The following CHKA variants were observed in gnomAD, a reference collection of about 807,000 sequenced individuals.
CHKA encodes choline kinase alpha.
CHKA carries 34 observed loss-of-function variants against 60.1 expected under a neutral mutation model. That is an observed-to-expected ratio of 0.57 (90% CI 0.43 to 0.75). CHKA has a LOEUF of 0.75. Among genes scored for constraint, CHKA ranks in the 30% least tolerant of loss-of-function variants. The pLI is 0.00. For synonymous variants in CHKA, 217 were observed against 223.1 expected (o/e 0.97, Z 0.24); for missense variants, 563 against 561.3 (o/e 1.00, Z -0.03).
intron 2 of CHKA, chr11:68,081,705 G>A (rs1856995386): frequency 2.4e-6 from 1 of 409,510 alleles, no homozygotes; most frequent in South Asian, 3.4e-5. Flanking sequence ...ATAGCTGCAC[G>A]TCTCACAGCC....
chr11:68,061,967 C>T lies in CHKA; in HGVS notation c.1300G>A (p.Glu434Lys), dbSNP rs1856265105. The change falls in exon 11 of 12, where the codon GAA (glutamate) becomes AAA (lysine). Residue 434 changes from glutamate to lysine, a missense_variant. By Grantham distance (56) the Glu-to-Lys change is moderately conservative. Coordinates refer to ENST00000265689, the MANE Select transcript of CHKA (RefSeq NM_001277.3). ...CTAAAACATACCATGTACCCAAATT[C>T]AATAGATGAAATCTTGGCTTGTACA... ...SIVQAKISSI[E>K]FGYMDYAQAR... is the part of the protein sequence containing the mutation. The T allele has an allele frequency of 6.3e-7, 1 of 1,591,916 alleles. No homozygotes were observed. The highest frequency in any genetic ancestry group is 1.8e-5 in the Admixed American group (1 of 56,698).
At chr11:68,080,551 T>A (rs1856953517) in intron 3 of CHKA, among the ~76,000 whole-genome samples, 1 of 152,166 alleles carries the variant, frequency 6.6e-6, no homozygotes, top group Admixed American at 6.5e-5. Flanking sequence ...TTTCACCTTG[T>A]TGGCCAGGCT....
intron 10 of CHKA, among the ~76,000 whole-genome samples, 198 bp downstream of exon 10, chr11:68,064,327 G>T (rs991962568): frequency 6.6e-6 from 1 of 151,972 alleles, no homozygotes; most frequent in Non-Finnish European, 1.5e-5. Context: ...AGAATTGCTT[G>T]AACCCGGGAG....
At position 68,070,812 on chromosome 11, in the gene CHKA, C is replaced by A. The variant is rs771462394; in HGVS notation, c.676G>T (p.Ala226Ser). 2 of 1,612,896 alleles carry A rather than the reference C, an allele frequency of 1.2e-6. No individual in the cohort carries two copies. The highest frequency in any genetic ancestry group is 1.7e-6 in the Non-Finnish European group (2 of 1,178,956). ...TEELSLPDIS[A>S]EIAEKMATFH... The stretch of plus-strand genomic sequence containing the variant: ...GTAGCCATTTTCTCGGCGATTTCTG[C>A]AGAAATATCTGGCAAACTTAATTCT... The change falls in exon 5 of 12, where the codon GCA becomes TCA. Residue 226 changes from alanine (A) to serine (S), a missense_variant. Physicochemically the swap from Ala to Ser is moderately conservative, Grantham distance 99. Coordinates refer to ENST00000265689, the MANE Select transcript of CHKA (RefSeq NM_001277.3).
intron 11 of CHKA, among the ~76,000 whole-genome samples, chr11:68,059,908 G>A (rs1182682524): frequency 2.6e-5 from 4 of 152,176 alleles, no homozygotes; most frequent in African/African-American, 7.2e-5. Context: ...GGCAGGGAGA[G>A]TTGTAAGGCC....
chr11:68,055,088 G>A (rs1417642643), intron 11 of CHKA, among the ~76,000 whole-genome samples: 1 of 152,152 alleles, frequency 6.6e-6, no homozygotes, highest in Non-Finnish European at 1.5e-5. Context: ...TTCCAGTTTG[G>A]GACGATTATA....
chr11:68,089,212 C>T (rs561833254), intron 2 of CHKA, among the ~76,000 whole-genome samples: 61 of 152,324 alleles, frequency 4.0e-4, no homozygotes, highest in African/African-American at 1.3e-3. Context: ...AAATCTATGT[C>T]TGATCTAGGG....
intron 2 of CHKA, among the ~76,000 whole-genome samples, chr11:68,085,832 C>A (rs1374699551): frequency 1.3e-5 from 2 of 152,164 alleles, no homozygotes; most frequent in African/African-American, 4.8e-5. Context: ...GGTGCAATCT[C>A]AGCTCACTGC....
At chr11:68,097,356 C>G (rs576654576) in intron 1 of CHKA, among the ~76,000 whole-genome samples, 4 of 152,120 alleles carry the variant, frequency 2.6e-5, no homozygotes, top group African/African-American at 7.2e-5. Flanking sequence ...CCGTGTGGGC[C>G]GGGCACGGTG....
At chr11:68,054,121 C>T in intron 11 of CHKA, 74 bp from the exon 12 acceptor site, 1 of 1,308,054 alleles carries the variant, frequency 7.6e-7, no homozygotes, top group East Asian at 2.4e-5. Flanking sequence ...TCCCCCAATC[C>T]CCACCCCAGG....
chr11:68,100,328 G>A (rs796976444), intron 1 of CHKA, among the ~76,000 whole-genome samples: 13 of 152,124 alleles, frequency 8.5e-5, no homozygotes, highest in African/African-American at 2.7e-4. Context: ...GGCGGCTCAC[G>A]CCTGTAATCC....
At chr11:68,082,082 T>G (rs982002890) in intron 2 of CHKA, 4 of 152,140 alleles carry the variant, frequency 2.6e-5, no homozygotes, top group African/African-American at 4.8e-5. Flanking sequence ...GTCTCTAAAA[T>G]TATTTCATAT....
In CHKA at chr11:68,065,913, C is replaced by T; in HGVS notation, c.1017-19G>A. On this transcript the variant is annotated intron_variant, in intron 8 of 11. Coordinates refer to ENST00000265689, the MANE Select transcript of CHKA (RefSeq NM_001277.3). ...GAATCCCCTGAAATAAGACATAAGACAGTGCACACAATGAGGCAAACCGTA... is the reference window on the plus strand; with the variant it reads ...GAATCCCCTGAAATAAGACATAAGATAGTGCACACAATGAGGCAAACCGTA... 6.5e-7 allele frequency: 1 copy of T among 1,548,180 alleles called. No homozygotes were observed. The highest frequency in any genetic ancestry group is 1.7e-4 in the Middle Eastern group (1 of 5,878).
intron 1 of CHKA, among the ~76,000 whole-genome samples, chr11:68,115,117 A>C (rs1565196730): frequency 6.6e-6 from 1 of 152,254 alleles, no homozygotes; most frequent in Non-Finnish European, 1.5e-5. Flanking sequence ...ACTTTATTAT[A>C]AAAACAGACT....
intron 4 of CHKA, 71 bp downstream of exon 4, chr11:68,074,646 C>A: frequency 7.5e-7 from 1 of 1,330,226 alleles, no homozygotes; most frequent in Non-Finnish European, 1.1e-6. Context: ...CAGGTTCTTG[C>A]AGCAATGAGA....
In CHKA at chr11:68,070,180, A is replaced by G; in HGVS notation, c.869+9T>C. On this transcript the variant is annotated intron_variant, in intron 6 of 11. Transcript: ENST00000265689. ...ATATTTAAAGTCAGGAAATAGAAGG[A>G]AAACTCACCTCAGGTTTTCCAGTTC... The G allele has an allele frequency of 6.3e-7, 1 of 1,595,548 alleles. No homozygotes were observed. Among genetic ancestry groups the G allele is most frequent in the East Asian group, 2.2e-5 (1 of 44,780 alleles).
chr11:68,076,836 A>G (rs990181289), intron 3 of CHKA, among the ~76,000 whole-genome samples: 1 of 152,206 alleles, frequency 6.6e-6, no homozygotes, highest in African/African-American at 2.4e-5. Flanking sequence ...GCACTGCCCT[A>G]AACATTGTAA....
chr11:68,105,307 G>A (rs1857871579), intron 1 of CHKA, among the ~76,000 whole-genome samples: 1 of 151,778 alleles, frequency 6.6e-6, no homozygotes, highest in East Asian at 1.9e-4. Context: ...ATGAGGTCAG[G>A]AATTCAAGAC....
At chr11:68,095,613 G>T (rs1215029975) in intron 2 of CHKA, among the ~76,000 whole-genome samples, 1 of 145,026 alleles carries the variant, frequency 6.9e-6, no homozygotes, top group African/African-American at 2.6e-5. Context: ...GGAGGCTGAG[G>T]CAGGAGAATG....
Sources: gnomAD v4.1 joint callset for allele counts (sites outside exome capture counted in the v4.1 genomes callset) on GRCh38, gnomAD v4.1.1 for gene constraint, MANE v1.5 for transcripts, NCBI Gene and HGNC (gene_info 2026-07-23, HGNC 2026-07-21) for gene names.